Variants in PLEKHG4 observed in about 807,000 individuals in gnomAD.
PLEKHG4 encodes pleckstrin homology and RhoGEF domain containing G4, also known as puratrophin-1.
Under a neutral mutation model 136.9 loss-of-function variants are expected in PLEKHG4, and 85 were observed. The observed-to-expected ratio is 0.62, with a 90% CI of 0.52 to 0.74. The LOEUF (loss-of-function observed/expected upper bound fraction) is 0.74, where lower values mean the gene tolerates loss of function less well. PLEKHG4 is among the 30% of genes least tolerant of loss of function. The pLI, the probability that PLEKHG4 is intolerant of heterozygous loss-of-function variation, is 0.00. For synonymous variants in PLEKHG4, 577 were observed against 646.9 expected, an observed-to-expected ratio of 0.89 and a Z score of 1.64; for missense variants, 1,317 against 1,527.8, an observed-to-expected ratio of 0.86 and a Z score of 2.30.
In PLEKHG4 at chr16:67,280,260, AC is replaced by A; in HGVS notation, c.221del (p.Pro74GlnfsTer14). On this transcript the variant is annotated frameshift_variant, in exon 2 of 22. Coordinates refer to ENST00000379344, the MANE Select transcript of PLEKHG4 (RefSeq NM_001129729.3). LOFTEE classifies it high-confidence loss of function. This position sits in a 1 kb window ranked among gnomAD's most constrained non-coding sequence, Gnocchi z 4.4. ...GSPLSRKFQL[P>X]PAADESGDAQ... is the part of the protein sequence containing the mutation. ...GCCCCTTGTCCAGGAAATTCCAGTTACCCCCAGCTGCAGATGAGTCGGGGGA... is the reference window on the plus strand; with the variant it reads ...GCCCCTTGTCCAGGAAATTCCAGTTACCCCAGCTGCAGATGAGTCGGGGGA... 5.0e-6 allele frequency: 8 copies of A among 1,613,836 alleles called. No individual in the cohort carries two copies. In the African/African-American group the frequency reaches 8.0e-5, roughly 16 times the overall value.
rs749741887 is a variant in PLEKHG4 at position 67,280,069 on chromosome 16, G to C, written c.25G>C (p.Asp9His). Residue 9 changes from aspartate (D) to histidine (H), a missense_variant, in exon 2 of 22, where the codon GAT (aspartate) becomes CAT (histidine). Asp to His is a moderately conservative substitution (Grantham distance 81). Transcript: ENST00000379344. The surrounding 1 kb of genome is among the most constrained non-coding windows in gnomAD (Gnocchi z 4.4). MERPLENG[D>H]ESPDSQGHAT... is the part of the protein sequence containing the mutation. ...GATGGAAAGGCCCCTGGAGAATGGG[G>C]ATGAGTCCCCAGACTCTCAGGGCCA... 3.7e-6 allele frequency: 6 copies of C among 1,613,512 alleles called. No individual in the cohort carries two copies. The highest frequency in any genetic ancestry group is 5.1e-6 in the Non-Finnish European group (6 of 1,179,826).
chr16:67,289,334 TTGA>T lies in PLEKHG4; in HGVS notation c.*529_*531del. 1 of 478,978 alleles carries T rather than the reference TTGA, an allele frequency of 2.1e-6. No individual in the cohort carries two copies. Among genetic ancestry groups the T allele is most frequent in the East Asian group, 3.4e-5 (1 of 29,402 alleles). The allele number at this position is 478,978 out of a possible 1,614,324, so 29.7% of individuals were successfully genotyped here. On this transcript the variant is annotated 3_prime_UTR_variant, in exon 22 of 22. Coordinates refer to ENST00000379344, the MANE Select transcript of PLEKHG4 (RefSeq NM_001129729.3). ...ACTGGGGCAGTTTCGTTATTTTGAC[TTGA>T]TGCCTTTTGAATAACTTTCAATAGA...
rs780082811 is a variant in PLEKHG4, at chr16:67,286,891, A to G, written c.2897A>G (p.Asp966Gly). ...CCTCGCCATGGGCCCACAGGGGTTG[A>G]CACATTTGCCTACAAGCGCTCCTTC... ...SKPRHGPTGV[D>G]TFAYKRSFKM... Residue 966 changes from aspartate (D) to glycine (G), a missense_variant, in exon 17 of 22, where the codon GAC (aspartate) becomes GGC (glycine). Asp to Gly is a moderately conservative substitution (Grantham distance 94). Transcript: ENST00000379344. 6.2e-7 allele frequency: 1 copy of G among 1,613,964 alleles called. No homozygotes were observed. The highest frequency in any genetic ancestry group is 2.2e-5 in the East Asian group (1 of 44,864).
chr16:67,284,338 G>A lies in PLEKHG4; in HGVS notation c.1573G>A (p.Asp525Asn). Reference protein sequence around the residue: ...PLTGWEAAELDPPGARFLALR... With the variant: ...PLTGWEAAELNPPGARFLALR... The stretch of plus-strand genomic sequence containing the variant: ...GACTGGCTGGGAGGCGGCTGAACTG[G>A]ACCCCCCTGGGGCACGCTTTCTGGC... Residue 525 changes from aspartate (D) to asparagine (N), a missense_variant, in exon 12 of 22, where the codon GAC (aspartate) becomes AAC (asparagine). By Grantham distance (23) the Asp-to-Asn change is conservative (BLOSUM62 1). Transcript: ENST00000379344. The surrounding 1 kb of genome is among the most constrained non-coding windows in gnomAD (Gnocchi z 4.4). The A allele has an allele frequency of 6.2e-7, 1 of 1,613,882 alleles. No homozygotes were observed. The highest frequency in any genetic ancestry group is 8.5e-7 in the Non-Finnish European group (1 of 1,179,934).
chr16:67,282,101 G>T lies in PLEKHG4; in HGVS notation c.1098G>T (p.Glu366Asp). ...TGAAGGCTGTGCCCCAGCCCATGGA[G>T]CCTGGGGTGAGTGTCCCCTCCCAGT... ...ESVKAVPQPM[E>D]PGEVGQLLQQ... is the part of the protein sequence containing the mutation. Residue 366 changes from glutamate (E) to aspartate (D), a missense_variant, in exon 8 of 22, where the codon GAG becomes GAT. Coordinates refer to ENST00000379344, the MANE Select transcript of PLEKHG4 (RefSeq NM_001129729.3). 1.2e-6 allele frequency: 2 copies of T among 1,613,360 alleles called. No homozygotes were observed. The highest frequency in any genetic ancestry group is 1.7e-6 in the Non-Finnish European group (2 of 1,179,870).
Position 67,280,951 on chromosome 16 carries a change from A to C in PLEKHG4, c.665A>C (p.Glu222Ala). 2 of 1,613,548 alleles carry C rather than the reference A, an allele frequency of 1.2e-6. No homozygotes were observed. Among genetic ancestry groups the C allele is most frequent in the Non-Finnish European group, 1.7e-6 (2 of 1,180,028 alleles). ...CACAGCCCAGCCTGGCTTCAGTCTG[A>C]GTGCAGCAGCCAGGAACTCATCCGC... ...CAHSPAWLQS[E>A]CSSQELIRLL... The change falls in exon 4 of 22, where the codon GAG becomes GCG. Residue 222 changes from glutamate to alanine, a missense_variant. Physicochemically the swap from Glu to Ala is moderately radical, Grantham distance 107 (BLOSUM62 -1). Coordinates refer to ENST00000379344, the MANE Select transcript of PLEKHG4 (RefSeq NM_001129729.3). This position sits in a 1 kb window ranked among gnomAD's most constrained non-coding sequence, Gnocchi z 4.4.
chr16:67,286,195 A>G, intron 14 of PLEKHG4, 79 bp from the exon 15 acceptor site: 2 of 1,022,938 alleles, frequency 2.0e-6, no homozygotes. Flanking sequence ...TGGTCCTCTC[A>G]AGCTGAGGGT....
At chr16:67,287,827 T>G (rs2036546528) in intron 18 of PLEKHG4, 71 bp from the exon 19 acceptor site, 1 of 966,464 alleles carries the variant, frequency 1.0e-6, no homozygotes. Context: ...AAGACTTATC[T>G]GGGGGGTGGT....
rs368176497 is a variant in PLEKHG4, at chr16:67,281,003, C to T, written c.717C>T (p.Pro239=). 3.0e-5 allele frequency: 49 copies of T among 1,613,974 alleles called. No homozygotes were observed. The highest frequency in any genetic ancestry group is 4.1e-5 in the Non-Finnish European group (48 of 1,180,036). The change falls in exon 4 of 22, where the codon CCC becomes CCT. Residue 239 remains proline (P), a splice_region_variant and synonymous_variant. Coordinates refer to ENST00000379344, the MANE Select transcript of PLEKHG4 (RefSeq NM_001129729.3). ...IRLLLYLRSI[P]RPEVQALGLT... is the part of the protein sequence containing the mutation. ...TCCTGCTGTACCTGCGAAGCATCCC[C>T]AGGTTTGAGGGAGGGGGTTGGGAGA... is the stretch of plus-strand genomic sequence containing the variant.
Position 67,286,826 on chromosome 16 carries a change from C to G in PLEKHG4, c.2832C>G (p.Arg944=). Residue 944 remains arginine (R), a synonymous_variant, in exon 17 of 22, where the codon CGC becomes CGG. Transcript: ENST00000379344. ...VVRTGRHKSV[R]RIFLFEELLL... is the part of the protein sequence containing the mutation. ...GCACTGGGCGCCACAAGTCCGTGCG[C>G]CGCATCTTCCTTTTTGAGGAGCTGC... is the stretch of plus-strand genomic sequence containing the variant. The G allele has an allele frequency of 6.2e-7, 1 of 1,614,042 alleles. No homozygotes were observed. Among genetic ancestry groups the G allele is most frequent in the Non-Finnish European group, 8.5e-7 (1 of 1,179,870 alleles).
At chr16:67,288,123 G>A (rs1021921555) in intron 19 of PLEKHG4, 44 bp from the exon 20 acceptor site, 1 of 1,576,556 alleles carries the variant, frequency 6.3e-7, no homozygotes. Flanking sequence ...CTGGGGCCAG[G>A]CTAGGCTCTG....
At position 67,287,880 on chromosome 16, in the gene PLEKHG4, T is replaced by G; in HGVS notation, c.3104-18T>G. 1.9e-6 allele frequency: 3 copies of G among 1,544,310 alleles called. No individual in the cohort carries two copies. The South Asian group carries it at 3.3e-5, about 17-fold the overall frequency. ...CTTATGTCCAGAAGCATCCCACTTA[T>G]GTCCACTCTCCACCCAGAGGTGCGC... On this transcript the variant is annotated intron_variant, in intron 18 of 21. Transcript: ENST00000379344.
rs369503510 is a variant in PLEKHG4, at chr16:67,280,285, G to T, written c.241G>T (p.Asp81Tyr). Reference protein sequence around the residue: ...QLPPAADESGDAQRGTVESSS... With the variant: ...QLPPAADESGYAQRGTVESSS... ...ACCCCCAGCTGCAGATGAGTCGGGG[G>T]ATGCCCAGAGGGGCACAGTAGAAAG... is the stretch of plus-strand genomic sequence containing the variant. Residue 81 changes from aspartate (D) to tyrosine (Y), a missense_variant, in exon 2 of 22, where the codon GAT (aspartate) becomes TAT (tyrosine). Transcript: ENST00000379344. The surrounding 1 kb of genome is among the most constrained non-coding windows in gnomAD (Gnocchi z 4.4). 1 of 1,613,852 alleles carries T rather than the reference G, an allele frequency of 6.2e-7. No individual in the cohort carries two copies. The highest frequency in any genetic ancestry group is 1.1e-5 in the South Asian group (1 of 91,088).
In PLEKHG4 at chr16:67,289,153, G is replaced by A; in HGVS notation, c.*345G>A. 1 of 477,264 alleles carries A rather than the reference G, an allele frequency of 2.1e-6. No homozygotes were observed. Among genetic ancestry groups the A allele is most frequent in the East Asian group, 4.1e-5 (1 of 24,466 alleles). 29.6% of individuals were successfully genotyped at this position (477,264 alleles called of 1,614,324 possible). Reference sequence around the variant, plus strand: ...ACCATGTGCCTCTAGGCAGTGACTAGGGTGCCCCCACCCCTCAGGAAGAAC... The same window carrying A: ...ACCATGTGCCTCTAGGCAGTGACTAAGGTGCCCCCACCCCTCAGGAAGAAC... On this transcript the variant is annotated 3_prime_UTR_variant, in exon 22 of 22. Transcript: ENST00000379344.
chr16:67,287,721 G>A, intron 18 of PLEKHG4, 177 bp from the exon 19 acceptor site: 1 of 672,680 alleles, frequency 1.5e-6, no homozygotes, highest in East Asian at 2.7e-5. Flanking sequence ...AGGGGAATAT[G>A]GCACCTGCCC....
Position 67,284,310 on chromosome 16 carries a change from G to A in PLEKHG4, c.1545G>A (p.Pro515=), listed in dbSNP as rs1192146288. ...GGCAAGGGGAGAAGTTTCTGCAGCC[G>A]CTGACTGGCTGGGAGGCGGCTGAAC... ...QVRQGEKFLQ[P]LTGWEAAELD... Residue 515 remains proline, a synonymous_variant, in exon 12 of 22, where the codon CCG becomes CCA. Coordinates refer to ENST00000379344, the MANE Select transcript of PLEKHG4 (RefSeq NM_001129729.3). The surrounding 1 kb of genome is among the most constrained non-coding windows in gnomAD (Gnocchi z 4.4). 1.7e-5 allele frequency: 28 copies of A among 1,613,882 alleles called. No homozygotes were observed. Among genetic ancestry groups the A allele is most frequent in the Admixed American group, 6.7e-5 (4 of 59,990 alleles).
Position 67,284,968 on chromosome 16 carries a change from C to T in PLEKHG4, c.1948C>T (p.Pro650Ser), listed in dbSNP as rs1461502939. 1 of 1,613,190 alleles carries T rather than the reference C, an allele frequency of 6.2e-7. No individual in the cohort carries two copies. Among genetic ancestry groups the T allele is most frequent in the East Asian group, 2.2e-5 (1 of 44,874 alleles). ...AAAGCTTGAGGCTTCACTGAAGCTA[C>T]CACCGGTGGGCAGCACAGCTAGCCT... The part of the protein sequence containing the change: ...DQKLEASLKL[P>S]PVGSTASLCV... Residue 650 changes from proline (P) to serine (S), a missense_variant, in exon 13 of 22, where the codon CCA becomes TCA. Transcript: ENST00000379344. This position sits in a 1 kb window ranked among gnomAD's most constrained non-coding sequence, Gnocchi z 4.4.
In PLEKHG4 at chr16:67,288,807, G is replaced by C. The variant is rs1297165798; in HGVS notation, c.3575G>C (p.Ter1192SerextTer43). 3 of 1,613,728 alleles carry C rather than the reference G, an allele frequency of 1.9e-6. No homozygotes were observed. The highest frequency in any genetic ancestry group is 1.7e-6 in the Non-Finnish European group (2 of 1,179,934). Residue 1192 changes from the stop codon to serine, a stop_lost, in exon 22 of 22, where the codon TGA (stop) becomes TCA (serine). Transcript: ENST00000379344. The stretch of plus-strand genomic sequence containing the variant: ...ATGCCTGGCCTGGCCCTGCAGGTCT[G>C]AGCCCGGGACTGGACGAGCAGTAGA... ...GRGLEDLPCV[*>S] is the part of the protein sequence containing the mutation.
chr16:67,287,955 T>C lies in PLEKHG4; in HGVS notation c.3161T>C (p.Ile1054Thr), dbSNP rs1451278480. 5.6e-6 allele frequency: 9 copies of C among 1,613,892 alleles called. No individual in the cohort carries two copies. Among genetic ancestry groups the C allele is most frequent in the East Asian group, 4.5e-5 (2 of 44,890 alleles). ...MGVGNKAFRD[I>T]APSEEAINDR... ...GTGGGGAACAAGGCCTTCCGAGACA[T>C]TGCTCCCAGCGAGGAAGCCATCAAC... The change falls in exon 19 of 22, where the codon ATT becomes ACT. Residue 1054 changes from isoleucine to threonine, a missense_variant. Physicochemically the swap from Ile to Thr is moderately conservative, Grantham distance 89 (BLOSUM62 -1). Coordinates refer to ENST00000379344, the MANE Select transcript of PLEKHG4 (RefSeq NM_001129729.3).
Sources: allele counts gnomAD v4.1 joint callset, GRCh38; gene constraint gnomAD v4.1.1; non-coding constraint Gnocchi (gnomAD v3.1); transcripts MANE v1.5; gene names NCBI Gene and HGNC (gene_info 2026-07-23, HGNC 2026-07-21).